Variants in NNT observed in about 807,000 individuals in gnomAD.
NNT encodes the protein NAD(P) transhydrogenase, mitochondrial.
Under a neutral mutation model 104.8 loss-of-function variants are expected in NNT, and 50 were observed. The observed-to-expected ratio is 0.48, with a 90% confidence interval of 0.38 to 0.60. The LOEUF is 0.60. NNT is among the 20% of genes least tolerant of loss of function. NNT has a pLI of 0.00. For missense variants in NNT, 1,131 were observed against 1,330.7 expected, an observed-to-expected ratio of 0.85 and a Z score of 2.33; for synonymous variants, 461 against 490.4, an observed-to-expected ratio of 0.94 and a Z score of 0.79.
intron 10 of NNT, among the ~76,000 whole-genome samples, chr5:43,646,619 G>A (rs1189401810): frequency 1.3e-5 from 2 of 152,082 alleles, no homozygotes; most frequent in Non-Finnish European, 2.9e-5. Flanking sequence ...ATGCCATATT[G>A]TGCTGGTGTT....
At chr5:43,670,397 C>T (rs895899853) in intron 17 of NNT, among the ~76,000 whole-genome samples, 9 of 152,144 alleles carry the variant, frequency 5.9e-5, no homozygotes, top group Non-Finnish European at 1.3e-4. Flanking sequence ...TAGATCTTTT[C>T]TGCTTTCTCT....
chr5:43,666,475 C>G (rs1740692341), intron 17 of NNT, among the ~76,000 whole-genome samples: 1 of 152,052 alleles, frequency 6.6e-6, no homozygotes, highest in African/African-American at 2.4e-5. Context: ...GCCTGCAATC[C>G]CAGGCACTCA....
intron 19 of NNT, among the ~76,000 whole-genome samples, chr5:43,690,706 G>T (rs1321930549): frequency 6.6e-6 from 1 of 151,808 alleles, no homozygotes; most frequent in East Asian, 1.9e-4. Context: ...TAAATAAAAG[G>T]CTGTCCCAGC....
chr5:43,703,462 G>A (rs927644409), intron 21 of NNT, among the ~76,000 whole-genome samples: 3 of 152,170 alleles, frequency 2.0e-5, no homozygotes, highest in African/African-American at 4.8e-5. Context: ...GTTTATGTGT[G>A]TATGAAAAAT....
rs1438218288 is a variant in NNT, at chr5:43,707,231, T to A, written c.*2827T>A. ...TTTTGGGGTAAAAAAACACAATATA[T>A]TGTATTCTTGAAAAATTCTAAGAGA... On this transcript the variant is annotated 3_prime_UTR_variant, in exon 22 of 22. Transcript: ENST00000344920. 1 of 151,970 alleles carries A rather than the reference T, an allele frequency of 6.6e-6. No homozygotes were observed. The highest frequency in any genetic ancestry group is 1.5e-5 in the Non-Finnish European group (1 of 67,990). 9.4% of individuals were successfully genotyped at this position (151,970 alleles called of 1,614,324 possible).
chr5:43,619,284 T>C (rs1251360171), intron 5 of NNT, among the ~76,000 whole-genome samples, 165 bp downstream of exon 5: 1 of 152,100 alleles, frequency 6.6e-6, no homozygotes, highest in Non-Finnish European at 1.5e-5. Flanking sequence ...ACGTTTAAGA[T>C]TGCTAGAAAA....
chr5:43,653,687 G>A (rs1739890079), intron 14 of NNT: 1 of 152,690 alleles, frequency 6.5e-6, no homozygotes, highest in Non-Finnish European at 1.5e-5. Context: ...TGGGCATGGT[G>A]GCTCAGACTG....
intron 17 of NNT, among the ~76,000 whole-genome samples, chr5:43,665,832 G>A (rs1330734065): frequency 6.6e-6 from 1 of 150,602 alleles, no homozygotes; most frequent in African/African-American, 2.4e-5. Flanking sequence ...CCTCCTGGAC[G>A]GGGTGGCTGG....
At chr5:43,649,842 C>T (rs1217337670) in intron 11 of NNT, among the ~76,000 whole-genome samples, 1 of 152,188 alleles carries the variant, frequency 6.6e-6, no homozygotes, top group Admixed American at 6.5e-5. Context: ...CATGTGGTTG[C>T]CCAGGATCTA....
At position 43,704,520 on chromosome 5, in the gene NNT, G is replaced by A. The variant is rs1418742046; in HGVS notation, c.*116G>A. ...CTGTAGCAAAGCTCTTGGAGAAAAT[G>A]AAGACTGAAGAAAGCAAAGCAAAAA... On this transcript the variant is annotated 3_prime_UTR_variant, in exon 22 of 22. Transcript: ENST00000344920. 2 of 1,081,734 alleles carry A rather than the reference G, an allele frequency of 1.8e-6. No individual in the cohort carries two copies. Among genetic ancestry groups the A allele is most frequent in the South Asian group, 1.7e-5 (1 of 59,412 alleles). 67.0% of individuals were successfully genotyped at this position (1,081,734 alleles called of 1,614,324 possible). A position where few individuals can be genotyped will look rare whatever the true frequency, so the allele number is the denominator to read the frequency against.
chr5:43,656,034 A>G lies in NNT; in HGVS notation c.2254A>G (p.Thr752Ala), dbSNP rs772305651. 5.0e-6 allele frequency: 8 copies of G among 1,614,054 alleles called. No homozygotes were observed. The African/African-American group carries it at 1.1e-4, about 22-fold the overall frequency. The change falls in exon 15 of 22, where the codon ACC becomes GCC. Residue 752 changes from threonine to alanine, a missense_variant. Transcript: ENST00000344920. ...AYLGTYIGGVTFSGSLIAYGK... is the reference protein window; with the variant it reads ...AYLGTYIGGVAFSGSLIAYGK... Reference sequence around the variant, plus strand: ...CCTCGGCACTTACATTGGTGGCGTCACCTTTAGTGGGTCTCTCATTGCCTA... The same window carrying G: ...CCTCGGCACTTACATTGGTGGCGTCGCCTTTAGTGGGTCTCTCATTGCCTA...
At chr5:43,701,743 T>C (rs1459805511) in intron 20 of NNT, among the ~76,000 whole-genome samples, 5 of 152,170 alleles carry the variant, frequency 3.3e-5, no homozygotes, top group Admixed American at 3.3e-4. Context: ...GCGTCTGTTA[T>C]TGTTTTGACT....
At chr5:43,694,390 C>T (rs1258959407) in intron 19 of NNT, among the ~76,000 whole-genome samples, 2 of 152,160 alleles carry the variant, frequency 1.3e-5, no homozygotes, top group East Asian at 3.9e-4. Flanking sequence ...TGCTTCTGCA[C>T]ATTCAGTATA....
At chr5:43,628,664 G>C (rs907136724) in intron 7 of NNT, among the ~76,000 whole-genome samples, 1 of 151,936 alleles carries the variant, frequency 6.6e-6, no homozygotes, top group Non-Finnish European at 1.5e-5. Context: ...TCAGCTCACT[G>C]CAACCTCCGT....
intron 5 of NNT, among the ~76,000 whole-genome samples, chr5:43,621,162 G>A (rs116073498): frequency 0.014 from 2,142 of 152,334 alleles, 43 homozygotes; most frequent in African/African-American, 0.044. Flanking sequence ...TGTTCAAGCC[G>A]CAGCCTGTGG....
rs1002937559 is a variant in NNT at position 43,667,000 on chromosome 5, G to A, written c.2634+7650G>A. 11 of 1,596,072 alleles carry A rather than the reference G, an allele frequency of 6.9e-6. No individual in the cohort carries two copies. The African/African-American group carries it at 1.3e-4, about 19-fold the overall frequency. On this transcript the variant is annotated intron_variant, in intron 17 of 21. Coordinates refer to ENST00000344920, the MANE Select transcript of NNT (RefSeq NM_182977.3). ...TGGGATCTTGGGCTTAACCTCCTTG[G>A]GCTTTACGAGGGCCTTGATAGCCTG...
At chr5:43,621,489 G>T (rs1486469771) in intron 5 of NNT, among the ~76,000 whole-genome samples, 2 of 152,174 alleles carry the variant, frequency 1.3e-5, no homozygotes, top group African/African-American at 4.8e-5. Context: ...TTACACTCCA[G>T]TGGGGGTCAT....
Position 43,644,653 on chromosome 5 carries a change from G to A in NNT, c.1141G>A (p.Ala381Thr), listed in dbSNP as rs1167962555. The A allele has an allele frequency of 1.2e-6, 2 of 1,613,918 alleles. No homozygotes were observed. Among genetic ancestry groups the A allele is most frequent in the Non-Finnish European group, 1.7e-6 (2 of 1,179,970 alleles). The stretch of plus-strand genomic sequence containing the variant: ...CTACACAGACCTGCCCAGCCGAATG[G>A]CCACTCAGGCCAGCACCCTATATTC... ...IGYTDLPSRM[A>T]TQASTLYSNN... is the part of the protein sequence containing the mutation. The change falls in exon 9 of 22, where the codon GCC (alanine) becomes ACC (threonine). Residue 381 changes from alanine (A) to threonine (T), a missense_variant. Physicochemically the swap from Ala to Thr is moderately conservative, Grantham distance 58 (BLOSUM62 0). Coordinates refer to ENST00000344920, the MANE Select transcript of NNT (RefSeq NM_182977.3).
intron 18 of NNT, 48 bp from the exon 19 acceptor site, chr5:43,677,677 T>C (rs375270623): frequency 3.3e-6 from 5 of 1,523,944 alleles, no homozygotes; most frequent in Non-Finnish European, 4.5e-6. Flanking sequence ...CTTCATGTAA[T>C]TTCAAAATAA....
Sources: gnomAD v4.1 joint callset for allele counts (sites outside exome capture counted in the v4.1 genomes callset) on GRCh38, gnomAD v4.1.1 for gene constraint, MANE v1.5 for transcripts, NCBI Gene and HGNC (gene_info 2026-07-23, HGNC 2026-07-21) for gene names.